The following IL1RAPL2 variants were observed in gnomAD, a reference collection of about 807,000 sequenced individuals.
IL1RAPL2 encodes X-linked interleukin-1 receptor accessory protein-like 2.
In IL1RAPL2, 3 loss-of-function variants were observed where a neutral mutation model predicts 44.1. That is an observed-to-expected ratio of 0.07 (90% confidence interval 0.03 to 0.18). The LOEUF (loss-of-function observed/expected upper bound fraction) is 0.18. Among genes scored for constraint, IL1RAPL2 ranks in the 10% least tolerant of loss-of-function variants. The pLI is 1.00. For synonymous variants in IL1RAPL2, 181 were observed against 178.8 expected, an observed-to-expected ratio of 1.01 and a Z score of -0.10; for missense variants, 391 against 496.4, an observed-to-expected ratio of 0.79 and a Z score of 2.02.
chrX:105,118,752 T>A (rs1391799517), intron 2 of IL1RAPL2, among the ~76,000 whole-genome samples: 2 of 112,500 alleles, frequency 1.8e-5, no homozygotes, highest in African/African-American at 3.2e-5. Flanking sequence ...GGAAAACTCA[T>A]GCACAGATAG....
intron 2 of IL1RAPL2, among the ~76,000 whole-genome samples, chrX:104,842,447 A>G (rs1203657267): frequency 9.0e-6 from 1 of 110,842 alleles, no homozygotes; most frequent in Admixed American, 9.7e-5. Flanking sequence ...GAGGTGTTGC[A>G]ATCATTTGGA....
intron 5 of IL1RAPL2, among the ~76,000 whole-genome samples, chrX:105,447,646 T>C (rs2035977939): frequency 1.3e-5 from 1 of 76,439 alleles, no homozygotes; most frequent in Non-Finnish European, 2.3e-5. Flanking sequence ...TAAATATAAA[T>C]ATAAATATAA....
intron 2 of IL1RAPL2, among the ~76,000 whole-genome samples, chrX:105,180,811 G>C (rs1245461966): frequency 1.8e-5 from 2 of 111,756 alleles, no homozygotes; most frequent in Non-Finnish European, 3.8e-5. Flanking sequence ...TTGTGTCCTT[G>C]TCTGGTTTTG....
At chrX:105,309,931 CAT>C (rs1343481687) in intron 5 of IL1RAPL2, among the ~76,000 whole-genome samples, 3 of 110,933 alleles carry the variant, frequency 2.7e-5, no homozygotes, top group African/African-American at 9.8e-5. Context: ...ATTAATGAGC[CAT>C]ATGATTTGTA....
intron 6 of IL1RAPL2, among the ~76,000 whole-genome samples, chrX:105,710,468 C>A (rs1326577624): frequency 5.1e-5 from 5 of 97,812 alleles, no homozygotes; most frequent in East Asian, 6.9e-4. Context: ...GAAATAAATT[C>A]TTTCTTCCTT....
intron 2 of IL1RAPL2, among the ~76,000 whole-genome samples, chrX:104,905,506 T>A (rs1383188738): frequency 1.8e-5 from 2 of 112,081 alleles, no homozygotes; most frequent in Admixed American, 9.5e-5. Context: ...GGATCCAGTT[T>A]CAGCTTTCTA....
At chrX:105,257,251 G>A (rs1269387251) in intron 4 of IL1RAPL2, among the ~76,000 whole-genome samples, 1 of 111,942 alleles carries the variant, frequency 8.9e-6, no homozygotes, top group African/African-American at 3.3e-5. Flanking sequence ...ATGGTTTTAA[G>A]TGATTTTTCA....
intron 2 of IL1RAPL2, among the ~76,000 whole-genome samples, chrX:104,780,857 G>A (rs775609674): frequency 1.7e-4 from 19 of 111,178 alleles, no homozygotes; most frequent in African/African-American, 4.9e-4. Context: ...GTGCTTCACT[G>A]ACTTATTATT....
At chrX:104,724,960 C>T (rs773133166) in intron 2 of IL1RAPL2, among the ~76,000 whole-genome samples, 1 of 111,035 alleles carries the variant, frequency 9.0e-6, no homozygotes, top group Non-Finnish European at 1.9e-5. Flanking sequence ...TAGGTATACA[C>T]GTGCCATGGT....
intron 2 of IL1RAPL2, among the ~76,000 whole-genome samples, chrX:104,919,508 A>C (rs1248574321): frequency 1.0e-5 from 1 of 98,279 alleles, no homozygotes; most frequent in African/African-American, 3.8e-5. Context: ...TACAGGTGTA[A>C]GCCACCACGC....
intron 6 of IL1RAPL2, among the ~76,000 whole-genome samples, chrX:105,522,790 A>G (rs1435968223): frequency 4.5e-5 from 5 of 111,982 alleles, no homozygotes; most frequent in African/African-American, 6.5e-5. Context: ...ACCTGCTGGT[A>G]CAATGCTGCC....
At chrX:104,794,867 A>C (rs916373344) in intron 2 of IL1RAPL2, among the ~76,000 whole-genome samples, 1 of 111,835 alleles carries the variant, frequency 8.9e-6, no homozygotes, top group Non-Finnish European at 1.9e-5. Context: ...TTTTACTTGC[A>C]TTAGAGTAGT....
At chrX:104,900,929 A>G (rs921453818) in intron 2 of IL1RAPL2, among the ~76,000 whole-genome samples, 2 of 111,221 alleles carry the variant, frequency 1.8e-5, no homozygotes, top group African/African-American at 3.3e-5. Flanking sequence ...AGTTTCAAGG[A>G]GACCAAAAAG....
chrX:105,107,178 C>T (rs2032752692), intron 2 of IL1RAPL2, among the ~76,000 whole-genome samples: 1 of 112,469 alleles, frequency 8.9e-6, no homozygotes, highest in Non-Finnish European at 1.9e-5. Flanking sequence ...ACATTTAACA[C>T]ATTATCTTAA....
chrX:105,379,164 C>A (rs1320846312), intron 5 of IL1RAPL2, among the ~76,000 whole-genome samples: 1 of 111,514 alleles, frequency 9.0e-6, no homozygotes, highest in Non-Finnish European at 1.9e-5. Context: ...TGAAAGAAAG[C>A]AGAATGTTAT....
In IL1RAPL2 at chrX:105,263,487, G is replaced by A. The variant is rs751129039; in HGVS notation, c.544-3901G>A. Among the ~76,000 whole-genome samples, 7 of 112,005 alleles carry A rather than the reference G, an allele frequency of 6.2e-5. No individual in the cohort carries two copies. In the South Asian group the frequency reaches 2.6e-3, roughly 41 times the overall value. On this transcript the variant is annotated intron_variant, in intron 4 of 10. Coordinates refer to ENST00000372582, the MANE Select transcript of IL1RAPL2 (RefSeq NM_017416.2). ...GGATTTAAAAAACACCTGTAGGTAT[G>A]ATGATGATATCTCAGAAGTAGACTA...
intron 7 of IL1RAPL2, among the ~76,000 whole-genome samples, chrX:105,735,911 G>A (rs2038444235): frequency 9.0e-6 from 1 of 111,484 alleles, no homozygotes; most frequent in Non-Finnish European, 1.9e-5. Flanking sequence ...AATCAAAAAA[G>A]AGCCCGAATA....
At chrX:105,752,893 A>C (rs2038607801) in intron 9 of IL1RAPL2, 1 of 325,938 alleles carries the variant, frequency 3.1e-6, no homozygotes, top group African/African-American at 2.7e-5. Context: ...AGCCACCATA[A>C]GCTCTTCACC....
At chrX:104,890,163 G>A (rs1301571345) in intron 2 of IL1RAPL2, among the ~76,000 whole-genome samples, 2 of 112,116 alleles carry the variant, frequency 1.8e-5, no homozygotes, top group African/African-American at 6.5e-5. Flanking sequence ...ATACTGTGGT[G>A]TATATGTCCC....
Sources: gnomAD v4.1 joint callset for allele counts (sites outside exome capture counted in the v4.1 genomes callset) on GRCh38, gnomAD v4.1.1 for gene constraint, MANE v1.5 for transcripts, NCBI Gene and HGNC (gene_info 2026-07-23, HGNC 2026-07-21) for gene names.